JPH1: variants seen among roughly 807,000 people sequenced by gnomAD.
The protein encoded by JPH1 is junctophilin-1.
Under a neutral mutation model 53.6 loss-of-function variants are expected in JPH1, and 12 were observed. The observed-to-expected ratio is 0.22, with a 90% CI of 0.14 to 0.36. The LOEUF (loss-of-function observed/expected upper bound fraction) is 0.36. JPH1 is among the 10% of genes least tolerant of loss of function. The probability of loss-of-function intolerance (pLI) is 1.00; values close to 1 mark genes in which losing one functional copy is unlikely to be tolerated. For synonymous variants in JPH1, 375 were observed against 363.8 expected (o/e 1.03, Z -0.35); for missense variants, 808 against 905.5 (o/e 0.89, Z 1.38).
chr8:74,314,928 T>C lies in JPH1; in HGVS notation c.1072A>G (p.Arg358Gly), dbSNP rs754907995. Residue 358 changes from arginine (R) to glycine (G), a missense_variant, in exon 2 of 6, where the codon AGA becomes GGA. Transcript: ENST00000342232. Reference sequence around the variant, plus strand: ...GCCCTTTGGGCGCCTTCAATTGCTCTGTCCACCTTCTCCCTAGTTTTTGTA... The same window carrying C: ...GCCCTTTGGGCGCCTTCAATTGCTCCGTCCACCTTCTCCCTAGTTTTTGTA... The part of the protein sequence containing the change: ...RHTKTREKVD[R>G]AIEGAQRAAA... 1.9e-6 allele frequency: 3 copies of C among 1,614,142 alleles called. No individual in the cohort carries two copies. The highest frequency in any genetic ancestry group is 2.5e-6 in the Non-Finnish European group (3 of 1,180,046).
chr8:74,319,577 T>C (rs1007874879), intron 1 of JPH1, among the ~76,000 whole-genome samples: 5 of 152,248 alleles, frequency 3.3e-5, no homozygotes, highest in African/African-American at 9.6e-5. Flanking sequence ...GATGAAAAGA[T>C]GTCCTTTTTA....
chr8:74,273,631 T>G (rs1292042901), intron 2 of JPH1, among the ~76,000 whole-genome samples: 2 of 152,242 alleles, frequency 1.3e-5, no homozygotes, highest in Non-Finnish European at 2.9e-5. Flanking sequence ...ATTACAGGGC[T>G]ATTATGTAAT....
At chr8:74,289,471 A>G (rs182103697) in intron 2 of JPH1, among the ~76,000 whole-genome samples, 62 of 152,366 alleles carry the variant, frequency 4.1e-4, no homozygotes, top group African/African-American at 1.4e-3. Context: ...ATAACCCTGC[A>G]GTAGCACACT....
chr8:74,290,969 CA>C (rs1351080249), intron 2 of JPH1, among the ~76,000 whole-genome samples: 1 of 152,172 alleles, frequency 6.6e-6, no homozygotes, highest in Non-Finnish European at 1.5e-5. Context: ...ACACCTTATA[CA>C]AAAATTAATT....
chr8:74,291,830 G>T (rs1344675251), intron 2 of JPH1, among the ~76,000 whole-genome samples: 1 of 152,144 alleles, frequency 6.6e-6, no homozygotes, highest in Non-Finnish European at 1.5e-5. Flanking sequence ...TATACACCAT[G>T]GAATACTATG....
chr8:74,284,815 TTTC>T (rs1807113963), intron 2 of JPH1, among the ~76,000 whole-genome samples: 1 of 150,208 alleles, frequency 6.7e-6, no homozygotes, highest in Admixed American at 6.6e-5. Flanking sequence ...ATGGTTACTA[TTTC>T]TTCTTTCTTT....
chr8:74,299,569 C>T (rs924647065), intron 2 of JPH1, among the ~76,000 whole-genome samples: 6 of 152,200 alleles, frequency 3.9e-5, no homozygotes, highest in Non-Finnish European at 8.8e-5. Flanking sequence ...TTCAACTACA[C>T]AGCTGCACTG....
chr8:74,276,541 T>C (rs1806854115), intron 2 of JPH1, among the ~76,000 whole-genome samples: 1 of 152,202 alleles, frequency 6.6e-6, no homozygotes, highest in Non-Finnish European at 1.5e-5. Flanking sequence ...ATCAAATAAG[T>C]ATTGACAATA....
chr8:74,305,704 A>G (rs868254314), intron 2 of JPH1, among the ~76,000 whole-genome samples: 64 of 152,320 alleles, frequency 4.2e-4, no homozygotes, highest in African/African-American at 1.2e-3. Context: ...AGATCTCTGC[A>G]GAACTGAATG....
intron 2 of JPH1, among the ~76,000 whole-genome samples, chr8:74,265,530 G>C (rs2131400056): frequency 6.6e-6 from 1 of 152,148 alleles, no homozygotes; most frequent in Admixed American, 6.5e-5. Flanking sequence ...GTTATTTATG[G>C]GTTGAGAAAA....
intron 2 of JPH1, among the ~76,000 whole-genome samples, chr8:74,278,665 T>C (rs1806918505): frequency 6.6e-6 from 1 of 152,160 alleles, no homozygotes; most frequent in South Asian, 2.1e-4. Context: ...CTAATGCACT[T>C]ATGTACCTTT....
At chr8:74,262,759 A>G (rs765524386) in intron 2 of JPH1, among the ~76,000 whole-genome samples, 4 of 152,242 alleles carry the variant, frequency 2.6e-5, no homozygotes, top group Non-Finnish European at 4.4e-5. Context: ...AAGACACCAC[A>G]GCCATGCTGG....
At chr8:74,245,510 G>A (rs1178938097) in intron 3 of JPH1, among the ~76,000 whole-genome samples, 4 of 152,294 alleles carry the variant, frequency 2.6e-5, no homozygotes, top group African/African-American at 4.8e-5. Flanking sequence ...CACAGAAAGT[G>A]TATACTTGTA....
At chr8:74,266,812 A>T (rs896402713) in intron 2 of JPH1, among the ~76,000 whole-genome samples, 1 of 152,216 alleles carries the variant, frequency 6.6e-6, no homozygotes, top group African/African-American at 2.4e-5. Flanking sequence ...GTTGAGAAGT[A>T]GCTGCATGCA....
At chr8:74,289,450 G>A (rs772412384) in intron 2 of JPH1, among the ~76,000 whole-genome samples, 1 of 152,212 alleles carries the variant, frequency 6.6e-6, no homozygotes, top group Admixed American at 6.5e-5. Context: ...AATGAAAAAT[G>A]TGCAATAAAC....
At chr8:74,295,757 C>A (rs1807489824) in intron 2 of JPH1, among the ~76,000 whole-genome samples, 1 of 152,106 alleles carries the variant, frequency 6.6e-6, no homozygotes, top group South Asian at 2.1e-4. Context: ...TTGCAGCTTG[C>A]CTGCAGATGG....
At chr8:74,316,743 A>T (rs954116224) in intron 1 of JPH1, among the ~76,000 whole-genome samples, 1 of 152,190 alleles carries the variant, frequency 6.6e-6, no homozygotes, top group Non-Finnish European at 1.5e-5. Context: ...TTTGTAGTGA[A>T]TTTTTTGCTA....
chr8:74,320,743 CCT>C lies in JPH1; in HGVS notation c.379+164_379+165del, dbSNP rs1808291751. ...TCGCGCCCCAGTCCGGTCCCAGCGCCCTCTCTGGGAAAGGCGGGCGCGGGCGC... is the reference window on the plus strand; with the variant it reads ...TCGCGCCCCAGTCCGGTCCCAGCGCCCTCTGGGAAAGGCGGGCGCGGGCGC... On this transcript the variant is annotated intron_variant, in intron 1 of 5. Transcript: ENST00000342232. The surrounding 1 kb of genome is among the most constrained non-coding windows in gnomAD (Gnocchi z 4.4). 6.6e-6 allele frequency among the ~76,000 whole-genome samples: 1 copy of C among 152,286 alleles called. No individual in the cohort carries two copies.
intron 2 of JPH1, among the ~76,000 whole-genome samples, chr8:74,263,162 T>C (rs891429555): frequency 1.3e-5 from 2 of 152,196 alleles, no homozygotes; most frequent in Non-Finnish European, 2.9e-5. Flanking sequence ...CCTTTCAATC[T>C]CTTATACATC....
Sources: gnomAD v4.1 joint callset for allele counts (sites outside exome capture counted in the v4.1 genomes callset) on GRCh38, gnomAD v4.1.1 for gene constraint, Gnocchi (gnomAD v3.1) non-coding constraint, MANE v1.5 for transcripts, NCBI Gene and HGNC (gene_info 2026-07-23, HGNC 2026-07-21) for gene names.